The following CCNB3 variants were observed in gnomAD, a reference collection of about 807,000 sequenced individuals.
The protein encoded by CCNB3 is cyclin B3.
Under a neutral mutation model 68.0 loss-of-function variants are expected in CCNB3, and 12 were observed. The ratio of observed to expected loss-of-function variants is 0.18; its 90% confidence interval spans 0.11 to 0.29. The LOEUF is 0.29. Ranked by LOEUF, CCNB3 falls within the 10% of genes least tolerant of loss-of-function variation. CCNB3 has a pLI of 1.00. For missense variants in CCNB3, 904 were observed against 993.1 expected (o/e 0.91, Z 1.21); for synonymous variants, 354 against 388.9 (o/e 0.91, Z 1.06).
rs1253819437 is a variant in CCNB3 at position 50,311,093 on chromosome X, C to A, written c.2924C>A (p.Pro975Gln). The A allele has an allele frequency of 8.3e-7, 1 of 1,207,391 alleles. No homozygotes were observed. Among genetic ancestry groups the A allele is most frequent in the Non-Finnish European group, 1.1e-6 (1 of 894,677 alleles). The change falls in exon 6 of 13, where the codon CCA becomes CAA. Residue 975 changes from proline (P) to glutamine (Q), a missense_variant. This residue lies in a region of CCNB3 where 285 missense variants were observed against 383.4 expected (regional missense o/e 0.74). Coordinates refer to ENST00000376042, the MANE Select transcript of CCNB3 (RefSeq NM_033031.3). Reference protein sequence around the residue: ...TLLVPQVGTSPNVSSTAPESI... With the variant: ...TLLVPQVGTSQNVSSTAPESI... ...TTGGTCCCCCAAGTTGGAACCAGCC[C>A]AAATGTGTCTAGCACTGCCCCTGAA...
intron 8 of CCNB3, among the ~76,000 whole-genome samples, chrX:50,331,484 G>A (rs1922592913): frequency 9.0e-6 from 1 of 111,601 alleles, no homozygotes; most frequent in Non-Finnish European, 1.9e-5. Context: ...CTCTAGCTAT[G>A]CAATATTGTC....
chrX:50,341,365 A>AAATAAATC (rs1569543473), intron 8 of CCNB3, among the ~76,000 whole-genome samples: 1 of 107,829 alleles, frequency 9.3e-6, no homozygotes, highest in African/African-American at 3.3e-5. Context: ...ATAAATAAAT[A>AAATAAATC]AATAAATAAG....
intron 8 of CCNB3, among the ~76,000 whole-genome samples, chrX:50,337,307 A>G (rs1557218982): frequency 9.0e-6 from 1 of 110,753 alleles, no homozygotes; most frequent in African/African-American, 3.3e-5. Flanking sequence ...AATTCCTGCC[A>G]TGATTCTTCC....
chrX:50,324,639 T>A (rs1557217062), intron 8 of CCNB3, among the ~76,000 whole-genome samples: 1 of 112,278 alleles, frequency 8.9e-6, no homozygotes, highest in African/African-American at 3.2e-5. Flanking sequence ...TTTATTTTTA[T>A]TTTATTCTTG....
chrX:50,317,626 A>G (rs1921799850), intron 8 of CCNB3, among the ~76,000 whole-genome samples: 1 of 109,513 alleles, frequency 9.1e-6, no homozygotes, highest in Admixed American at 9.9e-5. Context: ...CTGGAGTGCA[A>G]TGGTGTGGTC....
At chrX:50,332,946 C>T (rs187873267) in intron 8 of CCNB3, among the ~76,000 whole-genome samples, 49 of 111,736 alleles carry the variant, frequency 4.4e-4, no homozygotes, top group African/African-American at 1.5e-3. Flanking sequence ...TAGGAGGAGG[C>T]CTATGATACA....
chrX:50,214,007 C>G (rs1183638846), intron 1 of CCNB3, among the ~76,000 whole-genome samples: 2 of 111,448 alleles, frequency 1.8e-5, no homozygotes, highest in Non-Finnish European at 3.8e-5. Flanking sequence ...ACATCCAACA[C>G]CAGCCAAAGT....
At chrX:50,313,140 C>T in intron 7 of CCNB3, among the ~76,000 whole-genome samples, 1 of 111,060 alleles carries the variant, frequency 9.0e-6, no homozygotes, top group South Asian at 3.8e-4. Flanking sequence ...CTGCCAGTCT[C>T]CTTTACCACT....
At chrX:50,325,560 G>C (rs191632715) in intron 8 of CCNB3, among the ~76,000 whole-genome samples, 1 of 112,146 alleles carries the variant, frequency 8.9e-6, no homozygotes, top group African/African-American at 3.2e-5. Context: ...GCTGAACCCT[G>C]ATTGGCCAAG....
intron 1 of CCNB3, among the ~76,000 whole-genome samples, chrX:50,208,708 A>G (rs1202695098): frequency 9.0e-6 from 1 of 111,429 alleles, no homozygotes; most frequent in Non-Finnish European, 1.9e-5. Context: ...TAGTTTTCCT[A>G]TTTTGTATTA....
chrX:50,302,673 T>A (rs1936675133), intron 5 of CCNB3, among the ~76,000 whole-genome samples: 1 of 111,697 alleles, frequency 9.0e-6, no homozygotes. Flanking sequence ...CTATATAGAT[T>A]TCCCTATTCT....
chrX:50,285,411 G>A, intron 3 of CCNB3, 152 bp downstream of exon 3: 1 of 455,680 alleles, frequency 2.2e-6, no homozygotes, highest in Non-Finnish European at 3.8e-6. Context: ...GAGAATGCCA[G>A]CAAATTAGAA....
intron 1 of CCNB3, among the ~76,000 whole-genome samples, chrX:50,279,514 T>A (rs1374752251): frequency 2.4e-4 from 20 of 83,659 alleles, no homozygotes; most frequent in Non-Finnish European, 4.2e-4. Flanking sequence ...AATGTATTTA[T>A]TCATATAAAG....
At chrX:50,280,567 G>T (rs1470970485) in intron 1 of CCNB3, among the ~76,000 whole-genome samples, 1 of 109,171 alleles carries the variant, frequency 9.2e-6, no homozygotes, top group Non-Finnish European at 1.9e-5. Context: ...TGCACTTTGG[G>T]TCCTCATTCA....
intron 8 of CCNB3, among the ~76,000 whole-genome samples, chrX:50,329,673 A>G (rs1440076029): frequency 1.8e-5 from 2 of 112,457 alleles, no homozygotes; most frequent in Non-Finnish European, 3.8e-5. Flanking sequence ...TGTCCTGGCT[A>G]TTAGCACTTG....
At chrX:50,296,375 G>A (rs1220552477) in intron 5 of CCNB3, among the ~76,000 whole-genome samples, 3 of 71,205 alleles carry the variant, frequency 4.2e-5, no homozygotes, top group Non-Finnish European at 7.8e-5. Context: ...GAGAACATGC[G>A]GTGTTTGGTT....
At chrX:50,287,843 T>C (rs1432715808) in intron 3 of CCNB3, among the ~76,000 whole-genome samples, 2 of 110,675 alleles carry the variant, frequency 1.8e-5, no homozygotes, top group Admixed American at 2.0e-4. Flanking sequence ...AGGTGAGCAG[T>C]GAGTGAGAAA....
Position 50,310,989 on chromosome X carries a change from G to A in CCNB3, c.2820G>A (p.Gly940=). Residue 940 remains glycine, a synonymous_variant, in exon 6 of 13, where the codon GGG becomes GGA. Coordinates refer to ENST00000376042, the MANE Select transcript of CCNB3 (RefSeq NM_033031.3). ...CTCTGAATGAGAAACCCACCACTGG[G>A]AAGGAGTTGTCCTTCAAGGAGCCAT... ...MIALNEKPTT[G]KELSFKEPLA... is the part of the protein sequence containing the mutation. The A allele has an allele frequency of 8.3e-7, 1 of 1,211,688 alleles. No individual in the cohort carries two copies. Among genetic ancestry groups the A allele is most frequent in the South Asian group, 1.8e-5 (1 of 56,972 alleles).
rs782284817 is a variant in CCNB3 at position 50,329,405 on chromosome X, C to T, written c.3517-12797C>T. Reference sequence around the variant, plus strand: ...GGGTGCCAAGCCTCCTTCACTCTTGCACTCTGTGTGCCTACAGACTTAACA... The same window carrying T: ...GGGTGCCAAGCCTCCTTCACTCTTGTACTCTGTGTGCCTACAGACTTAACA... On this transcript the variant is annotated intron_variant, in intron 8 of 12. Coordinates refer to ENST00000376042, the MANE Select transcript of CCNB3 (RefSeq NM_033031.3). Among the ~76,000 whole-genome samples, 7 of 113,087 alleles carry T rather than the reference C, an allele frequency of 6.2e-5. No homozygotes were observed. The East Asian group carries it at 1.7e-3, about 27-fold the overall frequency.
Sources: allele counts gnomAD v4.1 joint callset (sites outside exome capture counted in the v4.1 genomes callset), GRCh38; gene constraint gnomAD v4.1.1; regional missense constraint gnomAD v4.1.1; transcripts MANE v1.5; gene names NCBI Gene and HGNC (gene_info 2026-07-23, HGNC 2026-07-21).